The following HHLA1 variants were observed in gnomAD, a reference collection of about 807,000 sequenced individuals.
HHLA1 encodes HERV-H LTR-associating protein 1.
Under a neutral mutation model 69.9 loss-of-function variants are expected in HHLA1, and 72 were observed. That is an observed-to-expected ratio of 1.03 (90% CI 0.85 to 1.25). HHLA1 has a LOEUF of 1.25. HHLA1 is among the 50% of genes most tolerant of loss of function. The pLI, the probability that HHLA1 is intolerant of heterozygous loss-of-function variation, is 0.00. For missense variants in HHLA1, 685 were observed against 642.2 expected (o/e 1.07, Z -0.72); for synonymous variants, 252 against 233.2 (o/e 1.08, Z -0.73).
chr8:132,070,685 A>ACTCAACTCAACTCAT (rs1204747216), intron 15 of HHLA1, among the ~76,000 whole-genome samples: 10 of 151,512 alleles, frequency 6.6e-5, no homozygotes, highest in Admixed American at 6.6e-4. Context: ...ACTCATCCCA[A>ACTCAACTCAACTCAT]CTCAACTCAA....
Position 132,071,373 on chromosome 8 carries a change from A to T in HHLA1, c.1436T>A (p.Met479Lys). Residue 479 changes from methionine to lysine, a missense_variant, in exon 15 of 17, where the codon ATG (methionine) becomes AAG (lysine). Transcript: ENST00000414222. ...CTCTGTCCTGGGACTCCTCTGGCTC[A>T]TGCAGAGGCATTGCTGGAAGAATTG... ...LCQFFQQCLC[M>K]SQRSPRTEDM... is the part of the protein sequence containing the mutation. The T allele has an allele frequency of 6.4e-7, 1 of 1,551,706 alleles. No individual in the cohort carries two copies. Among genetic ancestry groups the T allele is most frequent in the Non-Finnish European group, 8.7e-7 (1 of 1,146,952 alleles).
intron 13 of HHLA1, 43 bp downstream of exon 13, chr8:132,076,432 A>AACCC: frequency 7.0e-6 from 2 of 287,740 alleles, no homozygotes; most frequent in South Asian, 3.5e-5. Context: ...CACCCCTCCC[A>AACCC]TCCCCCACCC....
At chr8:132,074,593 T>G (rs1359892433) in intron 14 of HHLA1, among the ~76,000 whole-genome samples, 1 of 151,642 alleles carries the variant, frequency 6.6e-6, no homozygotes, top group Non-Finnish European at 1.5e-5. Context: ...CCAAATACTT[T>G]GTGGCATGAT....
At chr8:132,109,695 G>A (rs904614881) in intron 1 of HHLA1, among the ~76,000 whole-genome samples, 5 of 152,164 alleles carry the variant, frequency 3.3e-5, no homozygotes, top group Admixed American at 1.3e-4. Context: ...TTCTAAGCAG[G>A]AGAACTGGGA....
At position 132,066,919 on chromosome 8, in the gene HHLA1, A is replaced by G. The variant is rs531327599; in HGVS notation, c.1470-951T>C. On this transcript the variant is annotated intron_variant, in intron 15 of 16. Coordinates refer to ENST00000414222, the MANE Select transcript of HHLA1 (RefSeq NM_001145095.3). ...CACTGTCATTCTGGTAGGCAATAAG[A>G]TCAGTATTTGAGTCAGGACCCTGCC... 6.6e-5 allele frequency among the ~76,000 whole-genome samples: 10 copies of G among 152,346 alleles called. 1 individual carries two copies. In the South Asian group the frequency reaches 2.1e-3, roughly 32 times the overall value.
chr8:132,097,072 C>T (rs1009493837), intron 5 of HHLA1, among the ~76,000 whole-genome samples: 2 of 152,148 alleles, frequency 1.3e-5, no homozygotes, highest in African/African-American at 4.8e-5. Context: ...ACCAGTGGTG[C>T]CCATTCCCCC....
At chr8:132,102,608 G>A (rs966864826) in intron 3 of HHLA1, among the ~76,000 whole-genome samples, 3 of 152,182 alleles carry the variant, frequency 2.0e-5, no homozygotes, top group Non-Finnish European at 4.4e-5. Flanking sequence ...ATCTGCAGGA[G>A]GCACAATCAA....
At chr8:132,098,801 C>A in intron 5 of HHLA1, 81 bp downstream of exon 5, 1 of 846,670 alleles carries the variant, frequency 1.2e-6, no homozygotes, top group Non-Finnish European at 1.9e-6. Flanking sequence ...AGTGTCTTGT[C>A]AAGGCAACAG....
chr8:132,085,882 T>C (rs1391553747), intron 10 of HHLA1, among the ~76,000 whole-genome samples: 2 of 150,800 alleles, frequency 1.3e-5, no homozygotes, highest in Non-Finnish European at 3.0e-5. Flanking sequence ...ATGTCATCAG[T>C]TAAGGTGGGG....
intron 4 of HHLA1, among the ~76,000 whole-genome samples, chr8:132,099,276 G>A (rs1329149501): frequency 6.6e-6 from 1 of 152,206 alleles, no homozygotes; most frequent in Non-Finnish European, 1.5e-5. Context: ...AGCATAATGG[G>A]AAGCCCAAGG....
intron 11 of HHLA1, 118 bp downstream of exon 11, chr8:132,079,600 G>A: frequency 8.8e-7 from 1 of 1,136,488 alleles, no homozygotes; most frequent in Non-Finnish European, 1.2e-6. Context: ...GTAAGCTGAA[G>A]CGTAACTTCA....
In HHLA1 at chr8:132,062,847, C is replaced by T. The variant is rs1437157060; in HGVS notation, c.*1148G>A. 1 of 152,210 alleles carries T rather than the reference C, an allele frequency of 6.6e-6. No homozygotes were observed. The highest frequency in any genetic ancestry group is 1.5e-5 in the Non-Finnish European group (1 of 68,074). 9.4% of individuals were successfully genotyped at this position (152,210 alleles called of 1,614,324 possible). On this transcript the variant is annotated 3_prime_UTR_variant, in exon 17 of 17. Transcript: ENST00000414222. ...TCCTTGACCAGCTCCTGGGGAATCC[C>T]CTGTAAATCCTTGGAATATCCTGCC...
At chr8:132,087,546 C>A in intron 10 of HHLA1, 107 bp downstream of exon 10, 1 of 674,132 alleles carries the variant, frequency 1.5e-6, no homozygotes, top group Non-Finnish European at 2.6e-6. Flanking sequence ...ATTTTTAATA[C>A]AGTATAGCGA....
At position 132,077,731 on chromosome 8, in the gene HHLA1, G is replaced by A. The variant is rs1382674697; in HGVS notation, c.1166C>T (p.Thr389Ile). 1.3e-6 allele frequency: 2 copies of A among 1,551,552 alleles called. No individual in the cohort carries two copies. The highest frequency in any genetic ancestry group is 2.4e-5 in the South Asian group (2 of 84,046). ...TPGSPSQASP[T>I]LGAFTHGTQT... is the part of the protein sequence containing the mutation. ...AAGTGAGCACCCTCTCTTACCCAAGGTAGGGCTGGCCTGGGATGGGCTGCC... is the reference window on the plus strand; with the variant it reads ...AAGTGAGCACCCTCTCTTACCCAAGATAGGGCTGGCCTGGGATGGGCTGCC... Residue 389 changes from threonine to isoleucine, a missense_variant, in exon 12 of 17, where the codon ACC becomes ATC. Coordinates refer to ENST00000414222, the MANE Select transcript of HHLA1 (RefSeq NM_001145095.3).
chr8:132,100,840 G>A (rs1243349638), intron 3 of HHLA1, among the ~76,000 whole-genome samples: 1 of 152,174 alleles, frequency 6.6e-6, no homozygotes, highest in Non-Finnish European at 1.5e-5. Context: ...TCTTGTGGAA[G>A]TGACATTAAG....
intron 5 of HHLA1, among the ~76,000 whole-genome samples, chr8:132,096,440 G>A (rs1276286859): frequency 6.6e-6 from 1 of 152,168 alleles, no homozygotes; most frequent in Non-Finnish European, 1.5e-5. Flanking sequence ...ATATAAAGTA[G>A]TATTCACAGA....
At chr8:132,109,364 C>A (rs529093581) in intron 1 of HHLA1, among the ~76,000 whole-genome samples, 1 of 152,128 alleles carries the variant, frequency 6.6e-6, no homozygotes, top group Non-Finnish European at 1.5e-5. Flanking sequence ...GGATTGCAGG[C>A]GTGAGCCACT....
intron 8 of HHLA1, 29 bp from the exon 9 acceptor site, chr8:132,087,930 C>T (rs1823890233): frequency 2.0e-6 from 3 of 1,507,452 alleles, no homozygotes; most frequent in African/African-American, 1.4e-5. Context: ...TACAATAAGA[C>T]TTAGCCATGG....
intron 14 of HHLA1, among the ~76,000 whole-genome samples, chr8:132,074,921 A>G (rs1823609350): frequency 6.6e-6 from 1 of 152,176 alleles, no homozygotes; most frequent in South Asian, 2.1e-4. Flanking sequence ...AACAAGAGAG[A>G]CAGATAGATA....
Sources: gnomAD v4.1 joint callset for allele counts (sites outside exome capture counted in the v4.1 genomes callset) on GRCh38, gnomAD v4.1.1 for gene constraint, MANE v1.5 for transcripts, NCBI Gene and HGNC (gene_info 2026-07-23, HGNC 2026-07-21) for gene names.